The following CNTNAP2 variants were observed in gnomAD, a reference collection of about 807,000 sequenced individuals.
CNTNAP2 encodes the protein contactin associated protein 2.
CNTNAP2 carries 98 observed loss-of-function variants against 155.2 expected under a neutral mutation model. The observed-to-expected ratio is 0.63, with a 90% confidence interval of 0.54 to 0.75. CNTNAP2 has a LOEUF of 0.75. Among genes scored for constraint, CNTNAP2 ranks in the 30% least tolerant of loss-of-function variants. CNTNAP2 has a pLI of 0.00. For synonymous variants in CNTNAP2, 651 were observed against 631.2 expected (o/e 1.03, Z -0.47); for missense variants, 1,727 against 1,688.1 (o/e 1.02, Z -0.40).
chr7:146,697,114 G>T (rs1395245659), intron 1 of CNTNAP2, among the ~76,000 whole-genome samples: 2 of 151,942 alleles, frequency 1.3e-5, no homozygotes, highest in Non-Finnish European at 2.9e-5. Flanking sequence ...ATAATAGTGG[G>T]TTTACTTATT....
chr7:146,517,772 A>G (rs1203103962), intron 1 of CNTNAP2, among the ~76,000 whole-genome samples: 1 of 151,928 alleles, frequency 6.6e-6, no homozygotes, highest in Non-Finnish European at 1.5e-5. Flanking sequence ...GCACAAAACA[A>G]CAGAGAGGTG....
At chr7:146,358,022 T>TTTTATTTATTTATTTA (rs375240509) in intron 1 of CNTNAP2, among the ~76,000 whole-genome samples, 66 of 149,156 alleles carry the variant, frequency 4.4e-4, no homozygotes, top group Admixed American at 1.4e-3. Context: ...ATTTATTTAA[T>TTTTATTTATTTATTTA]TTTATTTATT....
chr7:147,050,630 A>G (rs1799455481), intron 4 of CNTNAP2, among the ~76,000 whole-genome samples: 1 of 152,144 alleles, frequency 6.6e-6, no homozygotes, highest in Non-Finnish European at 1.5e-5. Flanking sequence ...TAGTGAGAAT[A>G]CCCTCTTCTA....
At chr7:148,077,985 TAATAG>T (rs141817957) in intron 15 of CNTNAP2, among the ~76,000 whole-genome samples, 7,609 of 152,198 alleles carry the variant, frequency 0.05, 615 homozygotes, top group African/African-American at 0.17. Flanking sequence ...GATTCAACTT[TAATAG>T]AATATTACAA....
At position 148,305,291 on chromosome 7, in the gene CNTNAP2, T is replaced by A. The variant is rs138471537; in HGVS notation, c.3475+38165T>A. The stretch of plus-strand genomic sequence containing the variant: ...CACACTATTTTGTTTTCCTTAATCA[T>A]TATATTGTTTTCTTCATTTGCTTAA... On this transcript the variant is annotated intron_variant, in intron 21 of 23. Transcript: ENST00000361727. Among the ~76,000 whole-genome samples the A allele has an allele frequency of 3.2e-3, 487 of 150,792 alleles. 3 individuals are homozygous for A. The highest frequency in any genetic ancestry group is 0.011 in the African/African-American group (457 of 41,036).
chr7:147,757,030 GA>G (rs1444506132), intron 13 of CNTNAP2, among the ~76,000 whole-genome samples: 1 of 152,116 alleles, frequency 6.6e-6, no homozygotes, highest in East Asian at 1.9e-4. Context: ...AATAACCTCT[GA>G]AAAAATGCAA....
At chr7:147,005,791 C>G (rs1158977490) in intron 3 of CNTNAP2, among the ~76,000 whole-genome samples, 1 of 152,002 alleles carries the variant, frequency 6.6e-6, no homozygotes, top group Non-Finnish European at 1.5e-5. Context: ...ATAAGTATTT[C>G]TCTTTAAAAA....
intron 20 of CNTNAP2, among the ~76,000 whole-genome samples, chr7:148,240,607 C>T (rs148428364): frequency 6.6e-6 from 1 of 152,188 alleles, no homozygotes; most frequent in African/African-American, 2.4e-5. Context: ...GGCTCTCTAG[C>T]AGGACAGAAC....
chr7:147,125,848 C>G (rs1421875954), intron 6 of CNTNAP2, among the ~76,000 whole-genome samples: 1 of 152,158 alleles, frequency 6.6e-6, no homozygotes, highest in Non-Finnish European at 1.5e-5. Context: ...ATTACATAGG[C>G]TACATTTAAT....
intron 6 of CNTNAP2, among the ~76,000 whole-genome samples, chr7:147,123,582 G>A (rs2129283296): frequency 6.6e-6 from 1 of 152,360 alleles, no homozygotes; most frequent in East Asian, 1.9e-4. Flanking sequence ...AACTGACAAA[G>A]AATCAGGGTA....
At chr7:147,411,433 C>T (rs1387869089) in intron 10 of CNTNAP2, among the ~76,000 whole-genome samples, 1 of 152,166 alleles carries the variant, frequency 6.6e-6, no homozygotes, top group Non-Finnish European at 1.5e-5. Context: ...CTGTTAGGAA[C>T]AGAGACCCAA....
Position 146,556,613 on chromosome 7 carries a change from T to C in CNTNAP2, c.98-217658T>C, listed in dbSNP as rs549243745. On this transcript the variant is annotated intron_variant, in intron 1 of 23. Transcript: ENST00000361727. ...AGAAATACTAGGACAGTTAAGAAGA[T>C]CCAGTGAGAAAAACTCATATAGAGA... 1.8e-3 allele frequency among the ~76,000 whole-genome samples: 269 copies of C among 152,248 alleles called. 1 individual carries two copies. The highest frequency in any genetic ancestry group is 6.1e-3 in the African/African-American group (255 of 41,542).
At chr7:148,204,138 G>C (rs1795410312) in intron 18 of CNTNAP2, among the ~76,000 whole-genome samples, 3 of 152,132 alleles carry the variant, frequency 2.0e-5, no homozygotes, top group African/African-American at 7.2e-5. Flanking sequence ...TTTGAATCCT[G>C]TTACTTCCAT....
chr7:148,408,292 G>C (rs187361348), intron 22 of CNTNAP2, among the ~76,000 whole-genome samples: 35 of 152,018 alleles, frequency 2.3e-4, no homozygotes, highest in Middle Eastern at 3.4e-3. Flanking sequence ...AGAATATCAA[G>C]TCTAAAAGAG....
intron 1 of CNTNAP2, among the ~76,000 whole-genome samples, chr7:146,440,735 T>G (rs1614899): frequency 0.037 from 5,622 of 151,634 alleles, 597 homozygotes; most frequent in African/African-American, 0.13. Flanking sequence ...CCCAAATCTT[T>G]TATACCACAA....
chr7:146,329,219 G>A (rs1294025195), intron 1 of CNTNAP2, among the ~76,000 whole-genome samples: 2 of 152,070 alleles, frequency 1.3e-5, no homozygotes, highest in Non-Finnish European at 2.9e-5. Flanking sequence ...ATTGTCATTT[G>A]GATTTGCGTT....
Position 147,970,664 on chromosome 7 carries a change from T to A in CNTNAP2, c.2256-7198T>A, listed in dbSNP as rs73464267. 6.6e-3 allele frequency among the ~76,000 whole-genome samples: 1,004 copies of A among 152,298 alleles called. 5 individuals are homozygous for A. The highest frequency in any genetic ancestry group is 0.023 in the African/African-American group (946 of 41,572). ...AAGACTCCAAAAAGTTTAGAAGCCA[T>A]CCTTGAGATGCAGATTTAATGCTAA... is the stretch of plus-strand genomic sequence containing the variant. On this transcript the variant is annotated intron_variant, in intron 14 of 23. Transcript: ENST00000361727.
chr7:146,199,391 T>C (rs1234681501), intron 1 of CNTNAP2, among the ~76,000 whole-genome samples: 3 of 151,946 alleles, frequency 2.0e-5, no homozygotes, highest in Non-Finnish European at 2.9e-5. Context: ...CCTGTAGGGA[T>C]GGGTAGAACA....
At chr7:146,129,810 T>C (rs1269714705) in intron 1 of CNTNAP2, among the ~76,000 whole-genome samples, 1 of 152,204 alleles carries the variant, frequency 6.6e-6, no homozygotes, top group Non-Finnish European at 1.5e-5. Flanking sequence ...TACCTTAAAG[T>C]TCTCTTTTAT....
Sources: allele counts gnomAD v4.1 joint callset (sites outside exome capture counted in the v4.1 genomes callset), GRCh38; gene constraint gnomAD v4.1.1; transcripts MANE v1.5; gene names NCBI Gene and HGNC (gene_info 2026-07-23, HGNC 2026-07-21).